The following COMMD7 variants were observed in gnomAD, a reference collection of about 807,000 sequenced individuals.
The protein encoded by COMMD7 is COMM domain containing 7.
In COMMD7, 28 loss-of-function variants were observed where a neutral mutation model predicts 34.8. The ratio of observed to expected loss-of-function variants is 0.80; its 90% confidence interval spans 0.60 to 1.10. The LOEUF is 1.10. Ranked by LOEUF, COMMD7 falls within the 50% of genes least tolerant of loss-of-function variation. The probability of loss-of-function intolerance (pLI) is 0.00; values close to 1 mark genes in which losing one functional copy is unlikely to be tolerated. For synonymous variants in COMMD7, 80 were observed against 86.4 expected, an observed-to-expected ratio of 0.93 and a Z score of 0.41; for missense variants, 211 against 241.6, an observed-to-expected ratio of 0.87 and a Z score of 0.84.
At chr20:32,733,304 C>CG (rs1180423346) in intron 1 of COMMD7, among the ~76,000 whole-genome samples, 1 of 149,546 alleles carries the variant, frequency 6.7e-6, no homozygotes, top group African/African-American at 2.5e-5. Flanking sequence ...AAACAGGCCA[C>CG]GCGCGGTGGC....
rs766748693 is a variant in COMMD7, at chr20:32,706,666, A to G, written c.298+38T>C. 13 of 1,612,624 alleles carry G rather than the reference A, an allele frequency of 8.1e-6. No homozygotes were observed. In the South Asian group the frequency reaches 1.3e-4, roughly 16 times the overall value. ...ATATTAACATAATAAAAAGCCTCAG[A>G]AGCCAGTCACCCTGAGCAACCCTGG... is the stretch of plus-strand genomic sequence containing the variant. On this transcript the variant is annotated intron_variant, in intron 4 of 8. Coordinates refer to ENST00000278980, the MANE Select transcript of COMMD7 (RefSeq NM_053041.3).
At chr20:32,715,942 A>G (rs1473576096) in intron 3 of COMMD7, among the ~76,000 whole-genome samples, 2 of 152,240 alleles carry the variant, frequency 1.3e-5, no homozygotes, top group African/African-American at 2.4e-5. Flanking sequence ...TCATAATATT[A>G]GCAGCAGTGT....
At chr20:32,716,386 C>T (rs1022992835) in intron 3 of COMMD7, among the ~76,000 whole-genome samples, 3 of 151,982 alleles carry the variant, frequency 2.0e-5, no homozygotes, top group Non-Finnish European at 4.4e-5. Flanking sequence ...GAGGCCGAGG[C>T]GGGCGGATCA....
chr20:32,721,378 G>T (rs2145745993), intron 3 of COMMD7, among the ~76,000 whole-genome samples: 1 of 152,214 alleles, frequency 6.6e-6, no homozygotes, highest in East Asian at 1.9e-4. Flanking sequence ...GGGAGGCCAA[G>T]GCAGGCGGAT....
intron 1 of COMMD7, among the ~76,000 whole-genome samples, chr20:32,738,311 A>G (rs914943638): frequency 6.6e-6 from 1 of 152,116 alleles, no homozygotes; most frequent in Non-Finnish European, 1.5e-5. Flanking sequence ...ACTTTTGGCC[A>G]GGTACGGTGG....
chr20:32,737,587 G>C (rs2145787000), intron 1 of COMMD7, among the ~76,000 whole-genome samples: 1 of 146,094 alleles, frequency 6.8e-6, no homozygotes, highest in East Asian at 2.0e-4. Flanking sequence ...CCAGCACTTT[G>C]GGAGGCTGAG....
chr20:32,718,099 A>AG (rs1384962317), intron 3 of COMMD7, among the ~76,000 whole-genome samples: 2 of 151,748 alleles, frequency 1.3e-5, no homozygotes, highest in African/African-American at 4.8e-5. Flanking sequence ...AAAAAAAAAA[A>AG]AAAATCAATA....
chr20:32,733,758 G>A (rs1390720990), intron 1 of COMMD7, among the ~76,000 whole-genome samples: 10 of 149,842 alleles, frequency 6.7e-5, no homozygotes, highest in Admixed American at 2.0e-4. Flanking sequence ...GGTGGTGTGC[G>A]TCTATAATCC....
intron 6 of COMMD7, 151 bp downstream of exon 6, chr20:32,704,663 G>C: frequency 2.6e-6 from 2 of 775,598 alleles, no homozygotes; most frequent in South Asian, 3.5e-5. Context: ...CCATGAAACA[G>C]CTACTGAATG....
At chr20:32,727,755 G>C (rs993579323) in intron 3 of COMMD7, 138 bp downstream of exon 3, 11 of 694,690 alleles carry the variant, frequency 1.6e-5, no homozygotes, top group Non-Finnish European at 2.8e-5. Flanking sequence ...GCTCCCTCCA[G>C]AGACAGAGTC....
chr20:32,707,275 CTCCG>C (rs1177467559), intron 3 of COMMD7, among the ~76,000 whole-genome samples: 9 of 114,514 alleles, frequency 7.9e-5, no homozygotes, highest in African/African-American at 2.6e-4. Flanking sequence ...CAGAGCGAGA[CTCCG>C]TCTCAAAAAA....
At chr20:32,742,922 G>A (rs1438450015) in intron 1 of COMMD7, among the ~76,000 whole-genome samples, 1 of 151,574 alleles carries the variant, frequency 6.6e-6, no homozygotes, top group Non-Finnish European at 1.5e-5. Context: ...AACTCCCCAC[G>A]CCCTTAGTCT....
At chr20:32,741,668 G>C (rs1986455122) in intron 1 of COMMD7, among the ~76,000 whole-genome samples, 1 of 152,078 alleles carries the variant, frequency 6.6e-6, no homozygotes, top group African/African-American at 2.4e-5. Context: ...GGGTAGGTGT[G>C]AGCCACCGTG....
chr20:32,733,630 T>C (rs1298709005), intron 1 of COMMD7, among the ~76,000 whole-genome samples: 1 of 150,184 alleles, frequency 6.7e-6, no homozygotes, highest in African/African-American at 2.5e-5. Flanking sequence ...TGAGGCAGAA[T>C]TGCTTGAACC....
At chr20:32,742,182 G>A (rs560786422) in intron 1 of COMMD7, among the ~76,000 whole-genome samples, 5 of 151,432 alleles carry the variant, frequency 3.3e-5, no homozygotes, top group South Asian at 2.1e-4. Context: ...ATGAGACTAC[G>A]TCTCAAAAAA....
intron 3 of COMMD7, among the ~76,000 whole-genome samples, chr20:32,722,665 A>AG (rs1364427699): frequency 6.6e-6 from 1 of 150,744 alleles, no homozygotes; most frequent in Non-Finnish European, 1.5e-5. Context: ...TGGAGGTTGC[A>AG]GTGAGCCGAG....
At chr20:32,728,676 C>T (rs1985666421) in intron 1 of COMMD7, among the ~76,000 whole-genome samples, 1 of 145,450 alleles carries the variant, frequency 6.9e-6, no homozygotes, top group Non-Finnish European at 1.5e-5. Context: ...AAGCAATCCT[C>T]CCACCTCAGC....
chr20:32,718,855 C>T (rs1984977506), intron 3 of COMMD7, among the ~76,000 whole-genome samples: 1 of 151,380 alleles, frequency 6.6e-6, no homozygotes, highest in African/African-American at 2.4e-5. Flanking sequence ...AGTTTCTTTA[C>T]TGTAGGACTT....
chr20:32,730,064 A>G (rs1985752074), intron 1 of COMMD7, among the ~76,000 whole-genome samples: 1 of 152,046 alleles, frequency 6.6e-6, no homozygotes, highest in African/African-American at 2.4e-5. Flanking sequence ...AGTCTATGAT[A>G]TTTTGCCTTA....
Sources: gnomAD v4.1 joint callset for allele counts (sites outside exome capture counted in the v4.1 genomes callset) on GRCh38, gnomAD v4.1.1 for gene constraint, MANE v1.5 for transcripts, NCBI Gene and HGNC (gene_info 2026-07-23, HGNC 2026-07-21) for gene names.